The following TOMM40 variants were observed in gnomAD, a reference collection of about 807,000 sequenced individuals.
TOMM40 encodes mitochondrial import receptor subunit TOM40 homolog.
TOMM40 carries 9 observed loss-of-function variants against 38.4 expected under a neutral mutation model. That is an observed-to-expected ratio of 0.23 (90% CI 0.14 to 0.41). The LOEUF is 0.41. TOMM40 is among the 10% of genes least tolerant of loss of function. The probability of loss-of-function intolerance (pLI) is 1.00; values close to 1 mark genes in which losing one functional copy is unlikely to be tolerated. For synonymous variants in TOMM40, 184 were observed against 210.0 expected, an observed-to-expected ratio of 0.88 and a Z score of 1.07; for missense variants, 299 against 486.5, an observed-to-expected ratio of 0.61 and a Z score of 3.63.
intron 5 of TOMM40, among the ~76,000 whole-genome samples, chr19:44,896,137 T>G (rs1421415583): frequency 1.3e-5 from 2 of 152,240 alleles, no homozygotes. Context: ...CCTTTCGTGC[T>G]CCCCAGCACT....
At chr19:44,892,324 G>A (rs1301370873) in intron 1 of TOMM40, 69 bp from the exon 2 acceptor site, 1 of 1,450,906 alleles carries the variant, frequency 6.9e-7, no homozygotes, top group Non-Finnish European at 9.7e-7. Flanking sequence ...AGCTGGGGGT[G>A]GTAGGGAAGG....
In TOMM40 at chr19:44,903,015, A is replaced by C; in HGVS notation, c.947-15A>C. The C allele has an allele frequency of 6.2e-7, 1 of 1,610,532 alleles. No individual in the cohort carries two copies. The highest frequency in any genetic ancestry group is 8.5e-7 in the Non-Finnish European group (1 of 1,178,814). On this transcript the variant is annotated splice_polypyrimidine_tract_variant and intron_variant, in intron 8 of 8. Transcript: ENST00000426677. The stretch of plus-strand genomic sequence containing the variant: ...GGGAAGCTGGCACGCCTCTCACCTC[A>C]GCTCTTCCCTGCAGGCTCTGTGGAT...
intron 8 of TOMM40, chr19:44,902,470 A>T (rs528866966): frequency 1.3e-5 from 2 of 152,502 alleles, no homozygotes; most frequent in Non-Finnish European, 2.9e-5. Flanking sequence ...TGCTGGGATT[A>T]TAGGTGTGAG....
intron 8 of TOMM40, 121 bp from the exon 9 acceptor site, chr19:44,902,909 G>A: frequency 1.6e-6 from 2 of 1,283,008 alleles, no homozygotes; most frequent in Non-Finnish European, 2.1e-6. Context: ...CAGGGTGGCA[G>A]GAGCAGTGTG....
chr19:44,893,368 G>A (rs1029381862), intron 3 of TOMM40, among the ~76,000 whole-genome samples: 1 of 152,216 alleles, frequency 6.6e-6, no homozygotes, highest in African/African-American at 2.4e-5. Context: ...CCATGTGGGG[G>A]CTAGTTATTA....
intron 5 of TOMM40, among the ~76,000 whole-genome samples, chr19:44,896,299 G>A (rs1169798778): frequency 6.6e-6 from 1 of 152,196 alleles, no homozygotes; most frequent in East Asian, 1.9e-4. Flanking sequence ...GCTCCGACTT[G>A]ACCCAGGGTG....
chr19:44,901,901 A>G (rs1969691330), intron 8 of TOMM40: 1 of 153,494 alleles, frequency 6.5e-6, no homozygotes, highest in African/African-American at 2.4e-5. Context: ...AGCCTGGCCA[A>G]CGTGGTGAAA....
At position 44,891,316 on chromosome 19, in the gene TOMM40, T is replaced by C. The variant is rs1969456396; in HGVS notation, c.-100T>C. 1.7e-6 allele frequency: 2 copies of C among 1,205,878 alleles called. No individual in the cohort carries two copies. The allele number at this position is 1,205,878 out of a possible 1,614,324, so 74.7% of individuals were successfully genotyped here. A position where few individuals can be genotyped will look rare whatever the true frequency, so the allele number is the denominator to read the frequency against. On this transcript the variant is annotated 5_prime_UTR_variant, in exon 1 of 9. Transcript: ENST00000426677. ...GGCCGGGAGCAGGCGCCGCCGCCAG[T>C]GAGAACCGGGGCCGGAGCCGGGTGC...
At chr19:44,901,126 C>A (rs757353939) in intron 7 of TOMM40, 22 bp downstream of exon 7, 1 of 1,614,122 alleles carries the variant, frequency 6.2e-7, no homozygotes, top group Non-Finnish European at 8.5e-7. Context: ...CAGGGACTAG[C>A]TGGTGCTGCC....
chr19:44,897,229 G>A (rs191946858), intron 5 of TOMM40, among the ~76,000 whole-genome samples: 9 of 152,044 alleles, frequency 5.9e-5, no homozygotes, highest in African/African-American at 2.2e-4. Context: ...AGAGAAACTG[G>A]GGGGGTGGCC....
chr19:44,892,171 A>G (rs1969479411), intron 1 of TOMM40, among the ~76,000 whole-genome samples: 1 of 152,236 alleles, frequency 6.6e-6, no homozygotes, highest in Admixed American at 6.5e-5. Context: ...CATCTTTCAG[A>G]TGATGAGTTT....
At chr19:44,896,753 C>G (rs978292314) in intron 5 of TOMM40, among the ~76,000 whole-genome samples, 4 of 152,176 alleles carry the variant, frequency 2.6e-5, no homozygotes, top group African/African-American at 9.6e-5. Flanking sequence ...CAGCCCATTC[C>G]TGCCCTCATG....
intron 3 of TOMM40, 101 bp downstream of exon 3, chr19:44,893,030 C>CG: frequency 1.1e-6 from 1 of 943,616 alleles, no homozygotes; most frequent in South Asian, 1.6e-5. Flanking sequence ...TCACAGCTAC[C>CG]GAGAGCCTGG....
intron 8 of TOMM40, 68 bp from the exon 9 acceptor site, chr19:44,902,962 G>A (rs1363070381): frequency 1.9e-6 from 3 of 1,558,414 alleles, no homozygotes; most frequent in Admixed American, 1.9e-5. Flanking sequence ...GGTATCCAAG[G>A]TGGCCAGGAA....
In TOMM40 at chr19:44,901,210, G is replaced by A. The variant is rs758745265; in HGVS notation, c.846G>A (p.Leu282=). 6.2e-7 allele frequency: 1 copy of A among 1,614,138 alleles called. No homozygotes were observed. Among genetic ancestry groups the A allele is most frequent in the Non-Finnish European group, 8.5e-7 (1 of 1,179,998 alleles). Residue 282 remains leucine (L), a splice_region_variant and synonymous_variant, in exon 8 of 9, where the codon CTG becomes CTA. Coordinates refer to ENST00000426677, the MANE Select transcript of TOMM40 (RefSeq NM_001128917.2). ...ATGTGTTGCTCCGGCCCCTCCAGCT[G>A]CAGGTGGGTGTGGAGTTTGAGGCCA... ...ATYYHKASDQ[L]QVGVEFEAST... is the part of the protein sequence containing the mutation.
chr19:44,897,229 G>C lies in TOMM40; in HGVS notation c.643+3163G>C, dbSNP rs191946858. Reference sequence around the variant, plus strand: ...GAGGAGGCTGTGGGTAGAGAAACTGGGGGGGTGGCCCAGGAGATGGGAAGG... The same window carrying C: ...GAGGAGGCTGTGGGTAGAGAAACTGCGGGGGTGGCCCAGGAGATGGGAAGG... On this transcript the variant is annotated intron_variant, in intron 5 of 8. Transcript: ENST00000426677. Among the ~76,000 whole-genome samples, 61 of 152,162 alleles carry C rather than the reference G, an allele frequency of 4.0e-4. 1 individual carries two copies. The Middle Eastern group carries it at 0.01, about 25-fold the overall frequency.
At chr19:44,901,563 C>T (rs746488499) in intron 8 of TOMM40, 129 of 890,418 alleles carry the variant, frequency 1.4e-4, no homozygotes, top group Non-Finnish European at 1.9e-4. Context: ...GGTGAAACTC[C>T]GTCTCTACTA....
chr19:44,900,120 G>A (rs1332446065), intron 5 of TOMM40, among the ~76,000 whole-genome samples: 3 of 152,140 alleles, frequency 2.0e-5, no homozygotes, highest in Non-Finnish European at 4.4e-5. Flanking sequence ...CTCTTGTTCA[G>A]CAAGCACTCC....
Position 44,891,448 on chromosome 19 carries a change from C to T in TOMM40, c.33C>T (p.Pro11=). The T allele has an allele frequency of 3.1e-6, 4 of 1,295,170 alleles. No homozygotes were observed. The highest frequency in any genetic ancestry group is 3.9e-6 in the Non-Finnish European group (4 of 1,026,814). The allele number at this position is 1,295,170 out of a possible 1,614,324, so 80.2% of individuals were successfully genotyped here. Residue 11 remains proline, a synonymous_variant, in exon 1 of 9, where the codon CCC becomes CCT. Transcript: ENST00000426677. MGNVLAASSP[P]AGPPPPPAPA... Reference sequence around the variant, plus strand: ...ACGTGTTGGCTGCCAGCTCGCCGCCCGCAGGGCCGCCACCGCCGCCTGCGC... The same window carrying T: ...ACGTGTTGGCTGCCAGCTCGCCGCCTGCAGGGCCGCCACCGCCGCCTGCGC...
Sources: gnomAD v4.1 joint callset for allele counts (sites outside exome capture counted in the v4.1 genomes callset) on GRCh38, gnomAD v4.1.1 for gene constraint, MANE v1.5 for transcripts, NCBI Gene and HGNC (gene_info 2026-07-23, HGNC 2026-07-21) for gene names.